Variants in C6orf52 observed in about 807,000 individuals in gnomAD.
C6orf52 encodes the protein chromosome 6 open reading frame 52.
C6orf52 carries 16 observed loss-of-function variants against 16.6 expected under a neutral mutation model. That is an observed-to-expected ratio of 0.96 (90% CI 0.65 to 1.46). The LOEUF (loss-of-function observed/expected upper bound fraction) is 1.46, where lower values mean the gene tolerates loss of function less well. Ranked by LOEUF, C6orf52 falls within the 40% of genes most tolerant of loss-of-function variation. The pLI is 0.00. For synonymous variants in C6orf52, 53 were observed against 61.4 expected (o/e 0.86, Z 0.64); for missense variants, 166 against 182.3 (o/e 0.91, Z 0.52).
intron 4 of C6orf52, among the ~76,000 whole-genome samples, chr6:10,681,515 G>A (rs1768392647): frequency 6.6e-6 from 1 of 152,126 alleles, no homozygotes; most frequent in African/African-American, 2.4e-5. Flanking sequence ...AGGTGCAACT[G>A]CATTACATTT....
intron 4 of C6orf52, among the ~76,000 whole-genome samples, chr6:10,681,745 G>A (rs1007816135): frequency 6.6e-6 from 1 of 152,174 alleles, no homozygotes; most frequent in East Asian, 1.9e-4. Context: ...TGAACCCCGT[G>A]GCAATCTGTA....
intron 4 of C6orf52, among the ~76,000 whole-genome samples, chr6:10,680,167 T>C (rs1768250654): frequency 6.6e-6 from 1 of 152,084 alleles, no homozygotes; most frequent in African/African-American, 2.4e-5. Context: ...GATGGGAGGA[T>C]TGCTTGAGCC....
At chr6:10,692,976 G>A (rs1201620164) in intron 1 of C6orf52, among the ~76,000 whole-genome samples, 1 of 152,176 alleles carries the variant, frequency 6.6e-6, no homozygotes, top group South Asian at 2.1e-4. Flanking sequence ...CCTCTTCAAA[G>A]TTTCCCTTCT....
At position 10,687,050 on chromosome 6, in the gene C6orf52, G is replaced by C. The variant is rs1447332221; in HGVS notation, c.186C>G (p.Gly62=). 6.4e-7 allele frequency: 1 copy of C among 1,551,732 alleles called. No individual in the cohort carries two copies. ...CCTTTCCATTTCCATCCACTGCACA[G>C]CCATAGCTGTAGCCAGAAAGAAGGT... The part of the protein sequence containing the change: ...GSYLLSGYSY[G]CAVDGNGKDC... Residue 62 remains glycine (G), a synonymous_variant, in exon 3 of 5, where the codon GGC becomes GGG. Coordinates refer to ENST00000259983, the MANE Select transcript of C6orf52 (RefSeq NM_001145020.3).
chr6:10,684,378 C>T (rs1014432994), intron 3 of C6orf52, among the ~76,000 whole-genome samples: 2 of 152,170 alleles, frequency 1.3e-5, no homozygotes, highest in African/African-American at 4.8e-5. Context: ...TCCATAAGTT[C>T]CTTTCCCATA....
In C6orf52 at chr6:10,681,578, T is replaced by C. The variant is rs1181193193; in HGVS notation, c.316+1609A>G. ...TGACCAGCCAATACTTGAGTGTTTA[T>C]GATATGGCAGCAGCTGTTTAACCAC... On this transcript the variant is annotated intron_variant, in intron 4 of 4. Transcript: ENST00000259983. Among the ~76,000 whole-genome samples, 4 of 152,252 alleles carry C rather than the reference T, an allele frequency of 2.6e-5. No homozygotes were observed. The East Asian group carries it at 5.8e-4, about 22-fold the overall frequency.
chr6:10,694,602 A>AGT lies in C6orf52; in HGVS notation c.-121_-120insAC. On this transcript the variant is annotated 5_prime_UTR_variant, in exon 1 of 5. Transcript: ENST00000259983. ...GCTGCCGGCGCTACAGCCCCTAAGC[A>AGT]ACCGGCCGGAAGTCGGCCCCACCTC... 2 of 196,504 alleles carry AGT rather than the reference A, an allele frequency of 1.0e-5. No individual in the cohort carries two copies. The highest frequency in any genetic ancestry group is 7.2e-5 in the South Asian group (1 of 13,820). 12.2% of individuals were successfully genotyped at this position (196,504 alleles called of 1,614,324 possible). A position where few individuals can be genotyped will look rare whatever the true frequency, so the allele number is the denominator to read the frequency against.
intron 1 of C6orf52, among the ~76,000 whole-genome samples, chr6:10,688,658 C>A (rs1769045251): frequency 6.6e-6 from 1 of 152,222 alleles, no homozygotes; most frequent in South Asian, 2.1e-4. Flanking sequence ...AAAGAACCTA[C>A]ACACACCCTC....
intron 3 of C6orf52, among the ~76,000 whole-genome samples, chr6:10,685,626 T>C (rs1284769084): frequency 2.0e-5 from 3 of 152,200 alleles, no homozygotes; most frequent in Non-Finnish European, 4.4e-5. Context: ...AAAGTGTTAA[T>C]TTCTCTAACA....
chr6:10,672,734 A>G (rs2127458509), intron 4 of C6orf52: 2 of 514,664 alleles, frequency 3.9e-6, no homozygotes, highest in South Asian at 5.9e-5. Context: ...GTGTGGAAAC[A>G]GCAAGAAGGC....
intron 1 of C6orf52, among the ~76,000 whole-genome samples, chr6:10,691,834 G>T (rs143755315): frequency 0.015 from 2,323 of 151,128 alleles, 45 homozygotes; most frequent in African/African-American, 0.05. Context: ...AAGTTTTGGG[G>T]TTTTTTTTTC....
At chr6:10,683,447 A>G (rs906926760) in intron 3 of C6orf52, among the ~76,000 whole-genome samples, 3 of 152,208 alleles carry the variant, frequency 2.0e-5, no homozygotes, top group Admixed American at 2.0e-4. Flanking sequence ...ATCACAGAAG[A>G]ACTGTCACAA....
chr6:10,686,171 C>CA (rs761261021), intron 3 of C6orf52, among the ~76,000 whole-genome samples: 34 of 152,176 alleles, frequency 2.2e-4, no homozygotes, highest in South Asian at 6.2e-4. Flanking sequence ...GCTGGGACTA[C>CA]ATGTGTGAGC....
chr6:10,684,964 T>G, intron 3 of C6orf52: 6 of 1,130,920 alleles, frequency 5.3e-6, no homozygotes, highest in Non-Finnish European at 6.9e-6. Flanking sequence ...AATTCTTGTA[T>G]GAAAAATGCA....
intron 4 of C6orf52, 133 bp downstream of exon 4, chr6:10,683,054 C>T (rs1214239587): frequency 1.8e-6 from 1 of 547,724 alleles, no homozygotes; most frequent in Non-Finnish European, 3.2e-6. Flanking sequence ...GGAGAAATTA[C>T]TGAAGCATAT....
chr6:10,678,295 A>G (rs150494237), intron 4 of C6orf52, among the ~76,000 whole-genome samples: 1 of 151,810 alleles, frequency 6.6e-6, no homozygotes, highest in African/African-American at 2.4e-5. Flanking sequence ...TGAGCATGAG[A>G]TATCTTTTGT....
chr6:10,691,600 ACTT>A (rs780923212), intron 1 of C6orf52, among the ~76,000 whole-genome samples: 33 of 151,966 alleles, frequency 2.2e-4, no homozygotes, highest in African/African-American at 5.8e-4. Context: ...TTTAGTTTTT[ACTT>A]CTTCTTTGGA....
Position 10,687,156 on chromosome 6 carries a change from G to A in C6orf52, c.80C>T (p.Ser27Phe), listed in dbSNP as rs1768927991. The change falls in exon 3 of 5, where the codon TCT (serine) becomes TTT (phenylalanine). Residue 27 changes from serine to phenylalanine, a missense_variant. Transcript: ENST00000259983. ...NYYCYWQSLP[S>F]AIRVKQEFQP... ...GAACTCCTGCTTCACTCTAATAGCA[G>A]AGGGGAGACTACAGGAATGACAATC... 1 of 1,548,568 alleles carries A rather than the reference G, an allele frequency of 6.5e-7. No individual in the cohort carries two copies. The highest frequency in any genetic ancestry group is 8.7e-7 in the Non-Finnish European group (1 of 1,144,984).
chr6:10,694,597 TAAGCAACCGGCC>T lies in C6orf52; in HGVS notation c.-127_-116del. The T allele has an allele frequency of 5.1e-6, 1 of 195,446 alleles. No individual in the cohort carries two copies. The highest frequency in any genetic ancestry group is 1.1e-5 in the Non-Finnish European group (1 of 91,514). 12.1% of individuals were successfully genotyped at this position (195,446 alleles called of 1,614,324 possible). A position where few individuals can be genotyped will look rare whatever the true frequency, so the allele number is the denominator to read the frequency against. ...TGCACGCTGCCGGCGCTACAGCCCC[TAAGCAACCGGCC>T]GGAAGTCGGCCCCACCTCCTCCTGA... On this transcript the variant is annotated 5_prime_UTR_variant, in exon 1 of 5. Coordinates refer to ENST00000259983, the MANE Select transcript of C6orf52 (RefSeq NM_001145020.3).
Sources: gnomAD v4.1 joint callset for allele counts (sites outside exome capture counted in the v4.1 genomes callset) on GRCh38, gnomAD v4.1.1 for gene constraint, MANE v1.5 for transcripts, NCBI Gene and HGNC (gene_info 2026-07-23, HGNC 2026-07-21) for gene names.